The following IARS2 variants were observed in gnomAD, a reference collection of about 807,000 sequenced individuals.
IARS2 encodes the protein isoleucine--tRNA ligase, mitochondrial.
In IARS2, 56 loss-of-function variants were observed where a neutral mutation model predicts 126.3. That is an observed-to-expected ratio of 0.44 (90% confidence interval 0.36 to 0.55). IARS2 has a LOEUF of 0.55. Among genes scored for constraint, IARS2 ranks in the 20% least tolerant of loss-of-function variants. The pLI, the probability that IARS2 is intolerant of heterozygous loss-of-function variation, is 0.00. For synonymous variants in IARS2, 407 were observed against 441.1 expected, an observed-to-expected ratio of 0.92 and a Z score of 0.97; for missense variants, 1,127 against 1,245.9, an observed-to-expected ratio of 0.90 and a Z score of 1.44.
Position 220,130,052 on chromosome 1 carries a change from C to T in IARS2, c.1837+3209C>T, listed in dbSNP as rs563481099. Among the ~76,000 whole-genome samples the T allele has an allele frequency of 3.9e-5, 6 of 152,286 alleles. No individual in the cohort carries two copies. The South Asian group carries it at 1.2e-3, about 32-fold the overall frequency. On this transcript the variant is annotated intron_variant, in intron 14 of 22. Transcript: ENST00000366922. ...TCTTTTTGATAATAGCCATTCTGGG[C>T]TAACTGGGGTAAGATGATATATCAC... is the stretch of plus-strand genomic sequence containing the variant.
chr1:220,147,056 A>G (rs1657611337), intron 22 of IARS2, among the ~76,000 whole-genome samples: 1 of 152,192 alleles, frequency 6.6e-6, no homozygotes, highest in African/African-American at 2.4e-5. Context: ...AAGAGTATTA[A>G]TTGTGGAGAT....
At chr1:220,138,147 A>G (rs1657416963) in intron 17 of IARS2, 104 bp downstream of exon 17, 1 of 1,264,692 alleles carries the variant, frequency 7.9e-7, no homozygotes, top group African/African-American at 1.5e-5. Flanking sequence ...CTGAATGAAA[A>G]CGAGTTCTTC....
At chr1:220,144,266 G>A (rs1657544303) in intron 21 of IARS2, 1 of 764,452 alleles carries the variant, frequency 1.3e-6, no homozygotes, top group South Asian at 1.3e-5. Context: ...TTGGAGCACG[G>A]CCTAATAAGC....
At chr1:220,146,517 C>CAAAAAAAA (rs1186000971) in intron 22 of IARS2, among the ~76,000 whole-genome samples, 11 of 62,042 alleles carry the variant, frequency 1.8e-4, no homozygotes, top group African/African-American at 4.6e-4. Context: ...GACTCCGTCT[C>CAAAAAAAA]AAAAAAAAAA....
chr1:220,121,726 T>A (rs1041119662), intron 12 of IARS2, among the ~76,000 whole-genome samples: 9 of 152,316 alleles, frequency 5.9e-5, no homozygotes, highest in African/African-American at 2.2e-4. Flanking sequence ...ATTATAGTCA[T>A]GAGCCACCGT....
chr1:220,129,119 G>A (rs998321228), intron 14 of IARS2, among the ~76,000 whole-genome samples: 1 of 152,114 alleles, frequency 6.6e-6, no homozygotes, highest in Non-Finnish European at 1.5e-5. Context: ...CTGGCCTCAA[G>A]TGATCCATCT....
chr1:220,109,673 A>T (rs573086777), intron 10 of IARS2, among the ~76,000 whole-genome samples: 1 of 152,174 alleles, frequency 6.6e-6, no homozygotes, highest in Non-Finnish European at 1.5e-5. Context: ...TCTTCTTTCT[A>T]TCCTCCTCTA....
chr1:220,139,775 A>C (rs907715478), intron 18 of IARS2, among the ~76,000 whole-genome samples: 2 of 152,110 alleles, frequency 1.3e-5, no homozygotes, highest in Non-Finnish European at 1.5e-5. Flanking sequence ...GTGTTTTCTC[A>C]TAATTGGAAA....
chr1:220,147,446 A>G (rs1657624097), intron 22 of IARS2, 47 bp from the exon 23 acceptor site: 1 of 1,584,506 alleles, frequency 6.3e-7, no homozygotes, highest in East Asian at 2.2e-5. Context: ...AAACAGTGTT[A>G]CAAGTTGAAT....
At chr1:220,106,421 A>G (rs773862131) in intron 9 of IARS2, among the ~76,000 whole-genome samples, 1 of 152,142 alleles carries the variant, frequency 6.6e-6, no homozygotes, top group Non-Finnish European at 1.5e-5. Flanking sequence ...CTTAGCAAGT[A>G]TTTCCGTTTA....
intron 10 of IARS2, among the ~76,000 whole-genome samples, chr1:220,110,301 C>G (rs1656772646): frequency 6.6e-6 from 1 of 152,016 alleles, no homozygotes; most frequent in Non-Finnish European, 1.5e-5. Flanking sequence ...CTCAAGTGAT[C>G]CTCTCGTCTC....
chr1:220,133,718 C>A (rs1657313903), intron 14 of IARS2, among the ~76,000 whole-genome samples: 1 of 152,132 alleles, frequency 6.6e-6, no homozygotes, highest in South Asian at 2.1e-4. Context: ...TGCTCTTCAT[C>A]TAGATTTCCC....
chr1:220,126,607 A>G (rs1657161224), intron 13 of IARS2, 143 bp from the exon 14 acceptor site: 1 of 639,812 alleles, frequency 1.6e-6, no homozygotes, highest in Admixed American at 3.4e-5. Flanking sequence ...TTAACTGTGA[A>G]ATGCTTAAAA....
At chr1:220,132,759 C>T (rs956812971) in intron 14 of IARS2, among the ~76,000 whole-genome samples, 8 of 152,086 alleles carry the variant, frequency 5.3e-5, no homozygotes, top group South Asian at 4.2e-4. Context: ...CTCCTGACCT[C>T]GTGATCCACC....
Position 220,147,764 on chromosome 1 carries a change from G to T in IARS2, c.*129G>T. The T allele has an allele frequency of 1.2e-6, 1 of 843,116 alleles. No homozygotes were observed. Among genetic ancestry groups the T allele is most frequent in the Non-Finnish European group, 1.8e-6 (1 of 542,850 alleles). The allele number at this position is 843,116 out of a possible 1,614,324, so 52.2% of individuals were successfully genotyped here. A position where few individuals can be genotyped will look rare whatever the true frequency, so the allele number is the denominator to read the frequency against. ...TGGATGAGTAAATGGTGGAGGATGGGAGTCAAAATCAGAATTATAGAAGAA... is the reference window on the plus strand; with the variant it reads ...TGGATGAGTAAATGGTGGAGGATGGTAGTCAAAATCAGAATTATAGAAGAA... On this transcript the variant is annotated 3_prime_UTR_variant, in exon 23 of 23. Transcript: ENST00000366922.
Position 220,096,208 on chromosome 1 carries a change from T to C in IARS2, c.372T>C (p.Val124=). ...GPPYANGDPH[V]GHALNKILKD... ...CTTATGCAAACGGTGACCCTCATGT[T>C]GGACATGCTTTAAATAAGGTAACTA... Residue 124 remains valine, a synonymous_variant, in exon 2 of 23, where the codon GTT becomes GTC. Coordinates refer to ENST00000366922, the MANE Select transcript of IARS2 (RefSeq NM_018060.4). The C allele has an allele frequency of 6.3e-7, 1 of 1,582,754 alleles. No homozygotes were observed.
Position 220,141,794 on chromosome 1 carries a change from C to A in IARS2, c.2415-9C>A. 1 of 1,613,340 alleles carries A rather than the reference C, an allele frequency of 6.2e-7. No individual in the cohort carries two copies. The highest frequency in any genetic ancestry group is 8.5e-7 in the Non-Finnish European group (1 of 1,179,624). The stretch of plus-strand genomic sequence containing the variant: ...ATTGTCAACTGCTGAATAAGTTGTT[C>A]TTGTTCAGGCTCTATTGTGAAAAGG... On this transcript the variant is annotated splice_polypyrimidine_tract_variant and intron_variant, in intron 19 of 22. Coordinates refer to ENST00000366922, the MANE Select transcript of IARS2 (RefSeq NM_018060.4).
chr1:220,097,977 C>G (rs1402103289), intron 2 of IARS2, among the ~76,000 whole-genome samples: 2 of 152,126 alleles, frequency 1.3e-5, no homozygotes, highest in South Asian at 2.1e-4. Flanking sequence ...CGGGTTCACG[C>G]CATTCTCCTG....
chr1:220,095,718 T>C (rs997061132), intron 1 of IARS2, among the ~76,000 whole-genome samples: 4 of 152,196 alleles, frequency 2.6e-5, no homozygotes, highest in African/African-American at 9.7e-5. Context: ...ATGGCAAGCA[T>C]TGCCGCCAAA....
Sources: allele counts gnomAD v4.1 joint callset (sites outside exome capture counted in the v4.1 genomes callset), GRCh38; gene constraint gnomAD v4.1.1; transcripts MANE v1.5; gene names NCBI Gene and HGNC (gene_info 2026-07-23, HGNC 2026-07-21).